Variants in INSYN2A observed in about 807,000 individuals in gnomAD.
The protein encoded by INSYN2A is family with sequence similarity 196 member A.
INSYN2A carries 17 observed loss-of-function variants against 39.4 expected under a neutral mutation model. The observed-to-expected ratio is 0.43, with a 90% CI of 0.30 to 0.65. The LOEUF (loss-of-function observed/expected upper bound fraction) is 0.65, where lower values mean the gene tolerates loss of function less well. Ranked by LOEUF, INSYN2A falls within the 30% of genes least tolerant of loss-of-function variation. INSYN2A has a pLI of 0.14. For missense variants in INSYN2A, 595 were observed against 631.2 expected (o/e 0.94, Z 0.61); for synonymous variants, 255 against 265.7 (o/e 0.96, Z 0.39).
At chr10:127,145,438 T>C (rs1245884768) in intron 5 of INSYN2A, among the ~76,000 whole-genome samples, 2 of 152,226 alleles carry the variant, frequency 1.3e-5, no homozygotes, top group African/African-American at 2.4e-5. Context: ...TGCAGAACAC[T>C]GCTGTTCCTG....
At chr10:127,160,737 TA>T (rs1413621156) in intron 4 of INSYN2A, among the ~76,000 whole-genome samples, 1 of 152,208 alleles carries the variant, frequency 6.6e-6, no homozygotes. Context: ...GTTGCAGATA[TA>T]AAAAAGGCAT....
intron 2 of INSYN2A, among the ~76,000 whole-genome samples, chr10:127,187,930 C>G (rs1245791137): frequency 6.6e-6 from 1 of 152,198 alleles, no homozygotes; most frequent in Non-Finnish European, 1.5e-5. Flanking sequence ...TAAAGAACCA[C>G]TGGCCTTCTT....
chr10:127,143,201 C>T (rs1273917558), intron 5 of INSYN2A, among the ~76,000 whole-genome samples: 2 of 152,198 alleles, frequency 1.3e-5, no homozygotes, highest in African/African-American at 4.8e-5. Context: ...CTGCAGTCGT[C>T]CATGTGTAAC....
At chr10:127,186,821 G>T (rs2056317650) in intron 2 of INSYN2A, among the ~76,000 whole-genome samples, 1 of 152,036 alleles carries the variant, frequency 6.6e-6, no homozygotes, top group African/African-American at 2.4e-5. Context: ...GAGGTTGTTA[G>T]GGGAACGGTG....
chr10:127,172,588 G>A (rs1055224364), intron 4 of INSYN2A, among the ~76,000 whole-genome samples: 2 of 152,118 alleles, frequency 1.3e-5, no homozygotes, highest in African/African-American at 2.4e-5. Context: ...GCCCCATAAG[G>A]TGGCCTTGAA....
intron 4 of INSYN2A, among the ~76,000 whole-genome samples, chr10:127,158,862 G>A (rs1564851808): frequency 6.6e-6 from 1 of 152,064 alleles, no homozygotes; most frequent in Non-Finnish European, 1.5e-5. Context: ...TCAGCACCAG[G>A]GACAGTGTTA....
chr10:127,136,865 A>G lies in INSYN2A; in HGVS notation c.*972T>C, dbSNP rs1382546127. On this transcript the variant is annotated 3_prime_UTR_variant, in exon 6 of 6. Transcript: ENST00000522781. ...TAATACAAAGCATAACGAATTGTAC[A>G]TAACGTCTGGCTGCACTTACCATGG... The G allele has an allele frequency of 6.6e-6, 1 of 152,546 alleles. No individual in the cohort carries two copies. The highest frequency in any genetic ancestry group is 1.9e-4 in the East Asian group (1 of 5,184). The allele number at this position is 152,546 out of a possible 1,614,324, so 9.4% of individuals were successfully genotyped here.
intron 4 of INSYN2A, among the ~76,000 whole-genome samples, chr10:127,164,608 A>G (rs2053916388): frequency 6.6e-6 from 1 of 152,218 alleles, no homozygotes; most frequent in Non-Finnish European, 1.5e-5. Flanking sequence ...AGACATTATT[A>G]TTGTCAGAAA....
In INSYN2A at chr10:127,175,510, C is replaced by G. The variant is rs781623674; in HGVS notation, c.886G>C (p.Gly296Arg). The change falls in exon 4 of 6, where the codon GGG becomes CGG. Residue 296 changes from glycine (G) to arginine (R), a missense_variant. Around this residue, in one of 2 missense-constraint regions of INSYN2A, gnomAD observed 478 missense variants for 467.4 expected, o/e 1.02. Coordinates refer to ENST00000522781, the MANE Select transcript of INSYN2A (RefSeq NM_001039762.3). This position sits in a 1 kb window ranked among gnomAD's most constrained non-coding sequence, Gnocchi z 6.3. The stretch of plus-strand genomic sequence containing the variant: ...GCAGTTTCCGAGGGCGCCTGGAGCC[C>G]GTTGAGATGTGTGGCTCTCCTCCGC... The part of the protein sequence containing the change: ...DERRRATHLN[G>R]LQAPSETALA... 1 of 1,609,058 alleles carries G rather than the reference C, an allele frequency of 6.2e-7. No homozygotes were observed.
At chr10:127,147,934 G>GGCAGAA (rs1208723519) in intron 5 of INSYN2A, among the ~76,000 whole-genome samples, 1 of 149,120 alleles carries the variant, frequency 6.7e-6, no homozygotes, top group African/African-American at 2.5e-5. Flanking sequence ...GGGAGGCTGA[G>GGCAGAA]GCAGAAGAAT....
At chr10:127,145,200 CA>C (rs1001942081) in intron 5 of INSYN2A, among the ~76,000 whole-genome samples, 2 of 152,096 alleles carry the variant, frequency 1.3e-5, no homozygotes, top group Admixed American at 1.3e-4. Flanking sequence ...GTCAGATGCA[CA>C]GGGGTCAGAG....
intron 4 of INSYN2A, among the ~76,000 whole-genome samples, chr10:127,166,571 G>T (rs1239638804): frequency 6.6e-6 from 1 of 152,180 alleles, no homozygotes; most frequent in Admixed American, 6.5e-5. Flanking sequence ...TTACTCTAAA[G>T]ATTAAAGAAG....
chr10:127,159,888 C>G (rs1006001822), intron 4 of INSYN2A, among the ~76,000 whole-genome samples: 1 of 152,060 alleles, frequency 6.6e-6, no homozygotes, highest in African/African-American at 2.4e-5. Flanking sequence ...GAGCAGGGCA[C>G]GGGAGGGCTG....
At chr10:127,138,661 C>T (rs2050923171) in intron 5 of INSYN2A, among the ~76,000 whole-genome samples, 3 of 152,108 alleles carry the variant, frequency 2.0e-5, no homozygotes, top group South Asian at 4.1e-4. Flanking sequence ...TTGGGAGAAG[C>T]GTGGGGAGTG....
Position 127,175,451 on chromosome 10 carries a change from G to A in INSYN2A, c.945C>T (p.Ser315=), listed in dbSNP as rs1186789199. 1.9e-6 allele frequency: 3 copies of A among 1,611,656 alleles called. No homozygotes were observed. The East Asian group carries it at 6.7e-5, about 36-fold the overall frequency. The change falls in exon 4 of 6, where the codon TCC becomes TCT. Residue 315 remains serine (S), a synonymous_variant. Coordinates refer to ENST00000522781, the MANE Select transcript of INSYN2A (RefSeq NM_001039762.3). This position sits in a 1 kb window ranked among gnomAD's most constrained non-coding sequence, Gnocchi z 6.3. Reference sequence around the variant, plus strand: ...GCGACGGCTGCTCACTACATTCGGGGGACAGGCACTGCATCGGGGGTGAGC... The same window carrying A: ...GCGACGGCTGCTCACTACATTCGGGAGACAGGCACTGCATCGGGGGTGAGC... ...LACSPPMQCL[S]PECSEQPSQT...
At chr10:127,190,684 G>A (rs1447406737) in intron 2 of INSYN2A, among the ~76,000 whole-genome samples, 2 of 46,224 alleles carry the variant, frequency 4.3e-5, no homozygotes, top group Non-Finnish European at 7.7e-5. Context: ...CCCCCCCCCC[G>A]TTCCTGCTGG....
At chr10:127,145,918 G>T (rs935543322) in intron 5 of INSYN2A, 1 of 491,778 alleles carries the variant, frequency 2.0e-6, no homozygotes, top group Non-Finnish European at 4.0e-6. Context: ...GTGCATTCCT[G>T]CAGGAGGTCC....
At chr10:127,168,270 G>C (rs1339095278) in intron 4 of INSYN2A, among the ~76,000 whole-genome samples, 3 of 152,174 alleles carry the variant, frequency 2.0e-5, no homozygotes, top group Non-Finnish European at 4.4e-5. Flanking sequence ...AAAATGTTTT[G>C]GGTTATGATA....
At chr10:127,182,990 G>T (rs1361858676) in intron 2 of INSYN2A, among the ~76,000 whole-genome samples, 1 of 151,820 alleles carries the variant, frequency 6.6e-6, no homozygotes, top group East Asian at 1.9e-4. Context: ...AGACTTAGTG[G>T]GAATCTCACT....
Sources: allele counts gnomAD v4.1 joint callset (sites outside exome capture counted in the v4.1 genomes callset), GRCh38; gene constraint gnomAD v4.1.1; regional missense constraint gnomAD v4.1.1; non-coding constraint Gnocchi (gnomAD v3.1); transcripts MANE v1.5; gene names NCBI Gene and HGNC (gene_info 2026-07-23, HGNC 2026-07-21).